The following CCDC7 variants were observed in gnomAD, a reference collection of about 807,000 sequenced individuals.
The protein encoded by CCDC7 is coiled-coil domain-containing protein 7.
A neutral mutation model predicts 196.9 loss-of-function variants in CCDC7; 183 were observed. That is an observed-to-expected ratio of 0.93 (90% CI 0.82 to 1.05). The LOEUF (loss-of-function observed/expected upper bound fraction) is 1.05, where lower values mean the gene tolerates loss of function less well. CCDC7 is among the 50% of genes least tolerant of loss of function. The pLI, the probability that CCDC7 is intolerant of heterozygous loss-of-function variation, is 0.00. For synonymous variants in CCDC7, 525 were observed against 484.6 expected (o/e 1.08, Z -1.10); for missense variants, 1,540 against 1,482.2 (o/e 1.04, Z -0.64).
At chr10:32,501,780 C>T (rs990245912) in intron 9 of CCDC7, among the ~76,000 whole-genome samples, 1 of 152,208 alleles carries the variant, frequency 6.6e-6, no homozygotes, top group Non-Finnish European at 1.5e-5. Context: ...CTATCGGCCC[C>T]TACTGGGAGG....
At chr10:32,674,121 T>TA (rs200463842) in intron 21 of CCDC7, among the ~76,000 whole-genome samples, 21,465 of 150,734 alleles carry the variant, frequency 0.14, 1,874 homozygotes, top group African/African-American at 0.25. Context: ...GTTCTAATTT[T>TA]GTTTTTTTTT....
chr10:32,561,577 A>G (rs567382372), intron 13 of CCDC7, among the ~76,000 whole-genome samples: 13,468 of 152,190 alleles, frequency 0.088, 839 homozygotes, highest in East Asian at 0.33. Flanking sequence ...ATGAAGGCAG[A>G]GATAAAGATG....
intron 21 of CCDC7, among the ~76,000 whole-genome samples, chr10:32,676,877 C>A (rs1346982171): frequency 6.6e-6 from 1 of 152,158 alleles, no homozygotes; most frequent in Admixed American, 6.6e-5. Context: ...TGGGTATATA[C>A]CCAAAGGTCT....
At chr10:32,674,204 A>G (rs1449357239) in intron 21 of CCDC7, among the ~76,000 whole-genome samples, 7 of 149,514 alleles carry the variant, frequency 4.7e-5, no homozygotes, top group Non-Finnish European at 7.4e-5. Flanking sequence ...CATTTGAAAT[A>G]TTTTTTATAG....
downstream of CCDC7, chr10:32,877,117 A>G (rs1198634226): frequency 6.6e-6 from 1 of 152,120 alleles, no homozygotes; most frequent in Non-Finnish European, 1.5e-5. Flanking sequence ...CTACTCAAAC[A>G]AAATAAAGTG....
At chr10:32,726,768 T>G in exon 26 of CCDC7, 1 of 1,603,628 alleles carries the variant, frequency 6.2e-7, no homozygotes, top group Non-Finnish European at 8.5e-7. Flanking sequence ...TTCATCAAGA[T>G]TCAGTGTCAA....
chr10:32,468,540 G>T (rs1372585699), intron 5 of CCDC7, among the ~76,000 whole-genome samples: 2 of 152,176 alleles, frequency 1.3e-5, no homozygotes, highest in African/African-American at 4.8e-5. Flanking sequence ...GGAATAGTTT[G>T]ACTTCCACTC....
intron 21 of CCDC7, among the ~76,000 whole-genome samples, chr10:32,677,547 A>G (rs1203296092): frequency 6.6e-6 from 1 of 151,742 alleles, no homozygotes; most frequent in African/African-American, 2.4e-5. Context: ...ATATTATTTC[A>G]TTCTCTTCTG....
chr10:32,644,958 A>G (rs2067492280), intron 20 of CCDC7, among the ~76,000 whole-genome samples: 1 of 152,218 alleles, frequency 6.6e-6, no homozygotes, highest in African/African-American at 2.4e-5. Context: ...TTTTCTTTGC[A>G]AATTACCCAG....
At chr10:32,753,849 T>G (rs528341137) in intron 28 of CCDC7, among the ~76,000 whole-genome samples, 1 of 152,258 alleles carries the variant, frequency 6.6e-6, no homozygotes, top group East Asian at 1.9e-4. Flanking sequence ...AAAATGACAT[T>G]TACATGTTTT....
At chr10:32,470,962 A>G in intron 5 of CCDC7, 102 bp from the exon 7 acceptor site, 2 of 1,168,814 alleles carry the variant, frequency 1.7e-6, no homozygotes, top group Non-Finnish European at 2.3e-6. Flanking sequence ...TAAGAAAAAT[A>G]TAAAAATTAC....
exon 25 of CCDC7, chr10:32,711,703 G>A: frequency 6.3e-7 from 1 of 1,583,290 alleles, no homozygotes; most frequent in Non-Finnish European, 8.6e-7. Context: ...AGAGATTCAA[G>A]AAACTTCTGA....
chr10:32,658,839 A>T (rs974692333), intron 20 of CCDC7, among the ~76,000 whole-genome samples: 4 of 152,176 alleles, frequency 2.6e-5, no homozygotes, highest in Non-Finnish European at 5.9e-5. Flanking sequence ...TTTTTGGTGT[A>T]TAATTGTTCA....
chr10:32,526,132 T>A (rs1487652995), intron 11 of CCDC7, among the ~76,000 whole-genome samples: 1 of 152,228 alleles, frequency 6.6e-6, no homozygotes, highest in African/African-American at 2.4e-5. Context: ...CAACCCATGA[T>A]ACAAAGTTCT....
chr10:32,646,520 A>G (rs2067799131), intron 20 of CCDC7, among the ~76,000 whole-genome samples: 1 of 152,142 alleles, frequency 6.6e-6, no homozygotes. Flanking sequence ...ACGTATTATA[A>G]ATGTCTGTTA....
chr10:32,518,389 A>G, intron 10 of CCDC7, 27 bp from the exon 12 acceptor site: 1 of 1,553,764 alleles, frequency 6.4e-7, no homozygotes, highest in Non-Finnish European at 8.7e-7. Context: ...TTTACTCTTC[A>G]TTATTACTAA....
chr10:32,756,682 A>C (rs571697691), intron 28 of CCDC7, among the ~76,000 whole-genome samples: 46 of 152,342 alleles, frequency 3.0e-4, no homozygotes, highest in African/African-American at 1.1e-3. Context: ...TGCTAGGAGG[A>C]AATTGCATCA....
intron 28 of CCDC7, among the ~76,000 whole-genome samples, chr10:32,762,924 G>C (rs1292489814): frequency 6.6e-6 from 1 of 151,662 alleles, no homozygotes; most frequent in Non-Finnish European, 1.5e-5. Context: ...GAAAACATAA[G>C]GGAAAAACTT....
chr10:32,608,407 C>A (rs1263387195), intron 18 of CCDC7, among the ~76,000 whole-genome samples: 1 of 151,888 alleles, frequency 6.6e-6, no homozygotes, highest in African/African-American at 2.4e-5. Flanking sequence ...TATTTGAGAT[C>A]TTTTTGCTTT....
Sources: allele counts gnomAD v4.1 joint callset (sites outside exome capture counted in the v4.1 genomes callset), GRCh38; gene constraint gnomAD v4.1.1; transcripts MANE v1.5; gene names NCBI Gene and HGNC (gene_info 2026-07-23, HGNC 2026-07-21).